Variants in SPIDR observed in about 807,000 individuals in gnomAD.
SPIDR encodes DNA repair-scaffolding protein.
In SPIDR, 93 loss-of-function variants were observed where a neutral mutation model predicts 104.6. That is an observed-to-expected ratio of 0.89 (90% CI 0.75 to 1.06). The LOEUF is 1.06. Ranked by LOEUF, SPIDR falls within the 50% of genes least tolerant of loss-of-function variation. The pLI, the probability that SPIDR is intolerant of heterozygous loss-of-function variation, is 0.00. For missense variants in SPIDR, 1,154 were observed against 1,111.2 expected, an observed-to-expected ratio of 1.04 and a Z score of -0.55; for synonymous variants, 431 against 416.9, an observed-to-expected ratio of 1.03 and a Z score of -0.41.
chr8:47,712,822 C>G lies in SPIDR; in HGVS notation c.2138C>G (p.Ala713Gly), dbSNP rs767705395. The G allele has an allele frequency of 1.2e-6, 2 of 1,613,998 alleles. No individual in the cohort carries two copies. Among genetic ancestry groups the G allele is most frequent in the Non-Finnish European group, 1.7e-6 (2 of 1,180,038 alleles). Residue 713 changes from alanine to glycine, a missense_variant, in exon 15 of 20, where the codon GCT becomes GGT. By Grantham distance (60) the Ala-to-Gly change is moderately conservative (BLOSUM62 0). Coordinates refer to ENST00000297423, the MANE Select transcript of SPIDR (RefSeq NM_001080394.4). ...VLGSEVLEAL[A>G]GAAPHSLFFK... ...GGCTCTGAAGTCCTGGAGGCACTCGCTGGGGCTGCCCCTCACAGCCTCTTC... is the reference window on the plus strand; with the variant it reads ...GGCTCTGAAGTCCTGGAGGCACTCGGTGGGGCTGCCCCTCACAGCCTCTTC...
rs1458155305 is a variant in SPIDR at position 47,399,862 on chromosome 8, T to TA, written c.776+3237dup. 5.3e-5 allele frequency among the ~76,000 whole-genome samples: 8 copies of TA among 152,098 alleles called. No individual in the cohort carries two copies. In the East Asian group the frequency reaches 1.4e-3, roughly 26 times the overall value. ...CTGGGGAAAAGGTTGGTCAAACACT[T>TA]ACAGAGTAACGCTACTAGAGGTGAT... On this transcript the variant is annotated intron_variant, in intron 6 of 19. Transcript: ENST00000297423.
At chr8:47,587,822 G>T (rs893241395) in intron 8 of SPIDR, among the ~76,000 whole-genome samples, 1 of 150,060 alleles carries the variant, frequency 6.7e-6, no homozygotes, top group Non-Finnish European at 1.5e-5. Context: ...AATCAGTTGG[G>T]CATATTTGTG....
intron 19 of SPIDR, among the ~76,000 whole-genome samples, chr8:47,731,901 T>C (rs1056598667): frequency 6.6e-6 from 1 of 152,184 alleles, no homozygotes; most frequent in Non-Finnish European, 1.5e-5. Context: ...GAGAAAGCAT[T>C]AGAAACGCCC....
At chr8:47,616,535 A>G (rs1007976607) in intron 10 of SPIDR, among the ~76,000 whole-genome samples, 2 of 152,240 alleles carry the variant, frequency 1.3e-5, no homozygotes, top group South Asian at 4.1e-4. Context: ...TTGAGTCATC[A>G]GGATATAGAA....
intron 11 of SPIDR, among the ~76,000 whole-genome samples, chr8:47,679,835 G>A (rs2076882074): frequency 1.3e-5 from 2 of 152,238 alleles, no homozygotes; most frequent in Non-Finnish European, 2.9e-5. Context: ...GGCAGGTGCT[G>A]TTTCTCATTT....
intron 1 of SPIDR, among the ~76,000 whole-genome samples, chr8:47,270,806 C>G (rs914916093): frequency 7.2e-5 from 11 of 151,854 alleles, no homozygotes; most frequent in Non-Finnish European, 1.6e-4. Context: ...CTCATGATTT[C>G]TTTTTTTGAT....
chr8:47,533,092 A>G (rs1027744707), intron 8 of SPIDR, among the ~76,000 whole-genome samples: 3 of 152,234 alleles, frequency 2.0e-5, no homozygotes, highest in African/African-American at 7.2e-5. Flanking sequence ...GTTTCAGTGA[A>G]AGCAGTGTAA....
At chr8:47,299,543 A>G (rs1429456795) in intron 5 of SPIDR, among the ~76,000 whole-genome samples, 101 of 152,268 alleles carry the variant, frequency 6.6e-4, no homozygotes, top group Admixed American at 2.3e-3. Context: ...TTCAAAGGGA[A>G]TGCTTCCAGT....
intron 6 of SPIDR, among the ~76,000 whole-genome samples, chr8:47,401,954 G>A (rs2061961328): frequency 6.6e-6 from 1 of 152,142 alleles, no homozygotes; most frequent in South Asian, 2.1e-4. Flanking sequence ...GGATATCCAG[G>A]AATTGAACTC....
At chr8:47,537,202 G>A (rs1053914906) in intron 8 of SPIDR, among the ~76,000 whole-genome samples, 6 of 152,220 alleles carry the variant, frequency 3.9e-5, no homozygotes, top group Admixed American at 6.5e-5. Flanking sequence ...TCCAGCAATT[G>A]CACTTTTTGA....
intron 8 of SPIDR, chr8:47,548,006 C>T (rs1184326194): frequency 3.9e-5 from 6 of 152,916 alleles, no homozygotes; most frequent in African/African-American, 1.4e-4. Context: ...CGCTTCATCC[C>T]ACCAATTTTG....
chr8:47,460,982 G>C (rs782468258), intron 8 of SPIDR, among the ~76,000 whole-genome samples: 6 of 152,176 alleles, frequency 3.9e-5, no homozygotes, highest in Non-Finnish European at 7.4e-5. Flanking sequence ...GCTGAAGATA[G>C]GGCCCCAATC....
chr8:47,331,162 GAT>G (rs2048608267), intron 5 of SPIDR, among the ~76,000 whole-genome samples: 1 of 152,192 alleles, frequency 6.6e-6, no homozygotes. Flanking sequence ...TCTTTGGAGA[GAT>G]ATCTGTTAAG....
chr8:47,265,429 C>T lies in SPIDR; in HGVS notation c.33+4438C>T, dbSNP rs1012498411. Among the ~76,000 whole-genome samples, 4 of 151,534 alleles carry T rather than the reference C, an allele frequency of 2.6e-5. No individual in the cohort carries two copies. The South Asian group carries it at 6.3e-4, about 24-fold the overall frequency. ...TGGTCTCGAATTCCTGACCTCAAGC[C>T]GTTCTTTCTCCTTGGCCTCCCAAAG... On this transcript the variant is annotated intron_variant, in intron 1 of 19. Transcript: ENST00000297423.
chr8:47,319,422 C>T lies in SPIDR; in HGVS notation c.525+25392C>T, dbSNP rs188559042. Among the ~76,000 whole-genome samples, 343 of 152,296 alleles carry T rather than the reference C, an allele frequency of 2.3e-3. 1 individual carries two copies. The highest frequency in any genetic ancestry group is 7.9e-3 in the African/African-American group (329 of 41,552). ...AGCCTAAATATATATGCACCCAATA[C>T]GGGAGCACCCAGATTCATAAAGCAA... is the stretch of plus-strand genomic sequence containing the variant. On this transcript the variant is annotated intron_variant, in intron 5 of 19. Transcript: ENST00000297423.
At chr8:47,349,125 A>G (rs1377353385) in intron 5 of SPIDR, among the ~76,000 whole-genome samples, 1 of 152,106 alleles carries the variant, frequency 6.6e-6, no homozygotes, top group Admixed American at 6.5e-5. Flanking sequence ...TGACCTACAG[A>G]TGGGGTTTTA....
chr8:47,333,096 G>T (rs2049054678), intron 5 of SPIDR, among the ~76,000 whole-genome samples: 1 of 151,990 alleles, frequency 6.6e-6, no homozygotes, highest in Non-Finnish European at 1.5e-5. Flanking sequence ...GTCTACACAG[G>T]GTCAGGATCA....
At chr8:47,421,347 C>A (rs1264666503) in intron 7 of SPIDR, among the ~76,000 whole-genome samples, 6 of 152,164 alleles carry the variant, frequency 3.9e-5, no homozygotes, top group Non-Finnish European at 7.3e-5. Flanking sequence ...CTTCTCACTT[C>A]ATTTCATTCA....
intron 10 of SPIDR, among the ~76,000 whole-genome samples, chr8:47,625,801 G>A (rs1393566903): frequency 5.3e-5 from 8 of 152,164 alleles, no homozygotes; most frequent in Non-Finnish European, 8.8e-5. Flanking sequence ...TCATGAAAAT[G>A]GCCATACTGC....
Sources: allele counts gnomAD v4.1 joint callset (sites outside exome capture counted in the v4.1 genomes callset), GRCh38; gene constraint gnomAD v4.1.1; transcripts MANE v1.5; gene names NCBI Gene and HGNC (gene_info 2026-07-23, HGNC 2026-07-21).